Variants in HS3ST4 observed in about 807,000 individuals in gnomAD.
HS3ST4 encodes the protein heparan sulfate-glucosamine 3-sulfotransferase 4, also known as heparan sulfate glucosamine 3-O-sulfotransferase 4.
In HS3ST4, 17 loss-of-function variants were observed where a neutral mutation model predicts 29.2. That is an observed-to-expected ratio of 0.58 (90% CI 0.40 to 0.87). HS3ST4 has a LOEUF of 0.87. Ranked by LOEUF, HS3ST4 falls within the 40% of genes least tolerant of loss-of-function variation. The probability of loss-of-function intolerance (pLI) is 0.00; values close to 1 mark genes in which losing one functional copy is unlikely to be tolerated. For missense variants in HS3ST4, 627 were observed against 634.5 expected (o/e 0.99, Z 0.13); for synonymous variants, 314 against 285.7 (o/e 1.10, Z -1.00).
intron 1 of HS3ST4, among the ~76,000 whole-genome samples, chr16:25,912,903 G>A (rs750405879): frequency 6.6e-6 from 1 of 152,206 alleles, no homozygotes; most frequent in African/African-American, 2.4e-5. Context: ...TTTGGTGCCA[G>A]TGATAGAAAG....
intron 1 of HS3ST4, among the ~76,000 whole-genome samples, chr16:25,876,845 T>A (rs1401284710): frequency 6.6e-6 from 1 of 152,144 alleles, no homozygotes; most frequent in African/African-American, 2.4e-5. Flanking sequence ...GCTGAGCTAA[T>A]TCATTTAACC....
chr16:25,937,353 A>G (rs1198714258), intron 1 of HS3ST4, among the ~76,000 whole-genome samples: 1 of 152,176 alleles, frequency 6.6e-6, no homozygotes, highest in East Asian at 1.9e-4. Context: ...TCTTACCCAT[A>G]GACTATTTAT....
chr16:25,850,877 CAG>C (rs1425771114), intron 1 of HS3ST4, among the ~76,000 whole-genome samples: 1 of 152,144 alleles, frequency 6.6e-6, no homozygotes, highest in African/African-American at 2.4e-5. Flanking sequence ...GAAAAAGGAA[CAG>C]ATTTTCATTT....
intron 1 of HS3ST4, among the ~76,000 whole-genome samples, chr16:26,052,683 T>C (rs1344737169): frequency 1.3e-5 from 2 of 152,250 alleles, no homozygotes; most frequent in Non-Finnish European, 2.9e-5. Flanking sequence ...CATGTATACA[T>C]GTTAAATGAA....
At chr16:25,762,889 A>AAT (rs1411023343) in intron 1 of HS3ST4, among the ~76,000 whole-genome samples, 1 of 150,326 alleles carries the variant, frequency 6.7e-6, no homozygotes, top group East Asian at 1.9e-4. Context: ...AAAAAAAAAA[A>AAT]AAAAAAAAAA....
intron 1 of HS3ST4, among the ~76,000 whole-genome samples, chr16:25,720,836 T>C (rs1247492799): frequency 6.6e-6 from 1 of 152,194 alleles, no homozygotes; most frequent in African/African-American, 2.4e-5. Context: ...ATCAGGACTT[T>C]CATATTGGAC....
intron 1 of HS3ST4, among the ~76,000 whole-genome samples, chr16:25,850,523 G>A (rs1019118527): frequency 6.6e-6 from 1 of 152,088 alleles, no homozygotes; most frequent in African/African-American, 2.4e-5. Flanking sequence ...CTGGCTCTTA[G>A]CACATTGTAT....
chr16:25,752,602 C>T, intron 1 of HS3ST4, among the ~76,000 whole-genome samples: 1 of 152,224 alleles, frequency 6.6e-6, no homozygotes, highest in East Asian at 1.9e-4. Context: ...GTCAATTCTA[C>T]ATTTTCTCAA....
intron 1 of HS3ST4, among the ~76,000 whole-genome samples, chr16:26,016,622 C>T (rs980452886): frequency 1.3e-5 from 2 of 152,150 alleles, no homozygotes; most frequent in African/African-American, 4.8e-5. Flanking sequence ...ACAATTTGTA[C>T]TTACCATCTG....
intron 1 of HS3ST4, among the ~76,000 whole-genome samples, chr16:25,908,357 G>A (rs973472399): frequency 6.6e-6 from 1 of 152,204 alleles, no homozygotes; most frequent in Non-Finnish European, 1.5e-5. Flanking sequence ...GGTGTTGAAG[G>A]TGGGGAGCAG....
intron 1 of HS3ST4, among the ~76,000 whole-genome samples, chr16:25,916,825 G>A (rs1226901072): frequency 1.3e-5 from 2 of 151,564 alleles, no homozygotes; most frequent in South Asian, 2.1e-4. Context: ...GACTACAGGC[G>A]CCTGCGACCA....
chr16:25,914,292 C>A (rs1238251354), intron 1 of HS3ST4, among the ~76,000 whole-genome samples: 2 of 139,824 alleles, frequency 1.4e-5, no homozygotes, highest in South Asian at 2.4e-4. Flanking sequence ...AGGGTGTGCA[C>A]GTATATGTGT....
chr16:25,953,221 G>T (rs1968698442), intron 1 of HS3ST4, among the ~76,000 whole-genome samples: 1 of 152,136 alleles, frequency 6.6e-6, no homozygotes, highest in Admixed American at 6.5e-5. Context: ...AGGCACCAAG[G>T]TGTGATGGCT....
intron 1 of HS3ST4, among the ~76,000 whole-genome samples, chr16:25,743,674 T>C (rs1007260872): frequency 3.3e-5 from 5 of 152,100 alleles, no homozygotes; most frequent in African/African-American, 1.2e-4. Flanking sequence ...ACCATCTAAT[T>C]TCTGTATTTC....
intron 1 of HS3ST4, among the ~76,000 whole-genome samples, chr16:26,041,399 A>T (rs1029570604): frequency 1.3e-5 from 2 of 152,136 alleles, no homozygotes; most frequent in African/African-American, 4.8e-5. Context: ...TTACATAAAC[A>T]TTATTTTAAA....
chr16:25,950,143 T>G (rs1354682305), intron 1 of HS3ST4, among the ~76,000 whole-genome samples: 3 of 152,096 alleles, frequency 2.0e-5, no homozygotes, highest in African/African-American at 7.2e-5. Context: ...GTGAGGGCGG[T>G]GGGCTGGAGG....
At chr16:25,948,019 T>C (rs1357046959) in intron 1 of HS3ST4, among the ~76,000 whole-genome samples, 2 of 152,226 alleles carry the variant, frequency 1.3e-5, no homozygotes, top group Non-Finnish European at 2.9e-5. Context: ...TATTAGGTAT[T>C]ATTAATATAT....
chr16:25,747,291 C>T (rs998547050), intron 1 of HS3ST4, among the ~76,000 whole-genome samples: 1 of 152,268 alleles, frequency 6.6e-6, no homozygotes, highest in Non-Finnish European at 1.5e-5. Flanking sequence ...GGTGACACCA[C>T]AGGCATACAG....
chr16:25,928,207 A>T (rs1968427800), intron 1 of HS3ST4, among the ~76,000 whole-genome samples: 1 of 151,818 alleles, frequency 6.6e-6, no homozygotes, highest in African/African-American at 2.4e-5. Context: ...CCAAAAAAAA[A>T]AAAAAAATTT....
Sources: allele counts gnomAD v4.1 joint callset (sites outside exome capture counted in the v4.1 genomes callset), GRCh38; gene constraint gnomAD v4.1.1; transcripts MANE v1.5; gene names NCBI Gene and HGNC (gene_info 2026-07-23, HGNC 2026-07-21).